Variants in SRPK2 observed in about 807,000 individuals in gnomAD.
SRPK2 encodes SFRS protein kinase 2.
A neutral mutation model predicts 90.8 loss-of-function variants in SRPK2; 21 were observed. That is an observed-to-expected ratio of 0.23 (90% CI 0.16 to 0.33). The LOEUF is 0.33. Ranked by LOEUF, SRPK2 falls within the 10% of genes least tolerant of loss-of-function variation. The pLI, the probability that SRPK2 is intolerant of heterozygous loss-of-function variation, is 1.00. For synonymous variants in SRPK2, 288 were observed against 311.1 expected, an observed-to-expected ratio of 0.93 and a Z score of 0.78; for missense variants, 620 against 869.0, an observed-to-expected ratio of 0.71 and a Z score of 3.60.
At chr7:105,152,399 T>C (rs1386394388) in intron 7 of SRPK2, among the ~76,000 whole-genome samples, 1 of 152,110 alleles carries the variant, frequency 6.6e-6, no homozygotes, top group Non-Finnish European at 1.5e-5. Flanking sequence ...ATCTACACAT[T>C]TCGGCCTCCC....
intron 2 of SRPK2, among the ~76,000 whole-genome samples, chr7:105,339,254 A>G (rs1211359629): frequency 6.6e-6 from 1 of 152,240 alleles, no homozygotes. Flanking sequence ...ACATGCCCTC[A>G]GGAATTTTGA....
chr7:105,244,769 G>C, intron 2 of SRPK2: 2 of 989,344 alleles, frequency 2.0e-6, no homozygotes, highest in Non-Finnish European at 3.2e-6. Flanking sequence ...CACCAAGTTT[G>C]TGCGGGACAT....
intron 2 of SRPK2, among the ~76,000 whole-genome samples, chr7:105,252,981 G>C (rs1184061511): frequency 6.6e-6 from 1 of 152,032 alleles, no homozygotes; most frequent in Non-Finnish European, 1.5e-5. Flanking sequence ...GACCTCAGGG[G>C]ATCTGCCCGC....
At chr7:105,268,665 T>C (rs774677527) in intron 2 of SRPK2, 12 of 921,086 alleles carry the variant, frequency 1.3e-5, no homozygotes, top group Non-Finnish European at 1.5e-6. Flanking sequence ...CTTGCCCCAA[T>C]ACACATCTTC....
At chr7:105,184,725 C>G (rs956336663) in intron 3 of SRPK2, among the ~76,000 whole-genome samples, 1 of 152,146 alleles carries the variant, frequency 6.6e-6, no homozygotes, top group African/African-American at 2.4e-5. Flanking sequence ...CTGACATTTT[C>G]TTTCCTTGAG....
chr7:105,319,504 C>CGGGGGGG (rs796955446), intron 2 of SRPK2, among the ~76,000 whole-genome samples: 3 of 5,306 alleles, frequency 5.7e-4, no homozygotes, highest in Non-Finnish European at 1.9e-3. Context: ...GCACTTGCGG[C>CGGGGGGG]GGGGGGGGGG....
At chr7:105,203,486 A>G (rs1795816441) in intron 3 of SRPK2, 142 bp downstream of exon 3, 1 of 858,070 alleles carries the variant, frequency 1.2e-6, no homozygotes, top group East Asian at 3.0e-5. Context: ...AGAATTTAAA[A>G]TGATAATGAC....
intron 2 of SRPK2, among the ~76,000 whole-genome samples, chr7:105,368,090 G>A (rs1365846351): frequency 1.3e-5 from 2 of 152,118 alleles, no homozygotes; most frequent in Admixed American, 6.6e-5. Context: ...GTGGAGCCAA[G>A]GAAAAGAGGA....
chr7:105,173,754 A>C (rs1205703435), intron 3 of SRPK2, among the ~76,000 whole-genome samples: 1 of 152,176 alleles, frequency 6.6e-6, no homozygotes, highest in East Asian at 1.9e-4. Context: ...AGTATGGGAC[A>C]ATAACACTGC....
At chr7:105,229,029 C>T (rs1799088101) in intron 2 of SRPK2, among the ~76,000 whole-genome samples, 1 of 152,110 alleles carries the variant, frequency 6.6e-6, no homozygotes, top group Non-Finnish European at 1.5e-5. Context: ...GAAAATGGTA[C>T]AAACACCAAC....
intron 2 of SRPK2, among the ~76,000 whole-genome samples, chr7:105,318,828 T>C (rs918478524): frequency 6.6e-6 from 1 of 152,202 alleles, no homozygotes; most frequent in Non-Finnish European, 1.5e-5. Flanking sequence ...TCTATTCCAC[T>C]AGACACTGGT....
intron 2 of SRPK2, among the ~76,000 whole-genome samples, chr7:105,247,806 T>C (rs980805928): frequency 2.0e-5 from 3 of 152,100 alleles, no homozygotes; most frequent in African/African-American, 7.2e-5. Context: ...AGTGATCCTC[T>C]TGCCTTGTGA....
intron 2 of SRPK2, among the ~76,000 whole-genome samples, chr7:105,334,418 T>C (rs1814812956): frequency 6.6e-6 from 1 of 151,760 alleles, no homozygotes; most frequent in Non-Finnish European, 1.5e-5. Context: ...GAGTCGGTGT[T>C]TCACCATGTT....
chr7:105,392,376 A>G (rs149003866), upstream of SRPK2, among the ~76,000 whole-genome samples: 174 of 152,342 alleles, frequency 1.1e-3, no homozygotes, highest in Middle Eastern at 3.4e-3. Context: ...AAAACAAAAC[A>G]ACAAAGTTAC....
chr7:105,180,898 C>T (rs1211320819), intron 3 of SRPK2, among the ~76,000 whole-genome samples: 1 of 152,194 alleles, frequency 6.6e-6, no homozygotes, highest in Non-Finnish European at 1.5e-5. Flanking sequence ...AACCTAAGAA[C>T]TTCCTGAACA....
intron 7 of SRPK2, among the ~76,000 whole-genome samples, chr7:105,149,323 A>G (rs2129578181): frequency 6.6e-6 from 1 of 152,326 alleles, no homozygotes; most frequent in East Asian, 1.9e-4. Flanking sequence ...GTGGAGAGAA[A>G]CATAAATCTG....
At chr7:105,294,664 T>G (rs533216379) in intron 2 of SRPK2, among the ~76,000 whole-genome samples, 1 of 152,172 alleles carries the variant, frequency 6.6e-6, no homozygotes, top group African/African-American at 2.4e-5. Flanking sequence ...CAGCTGGGAT[T>G]ATAGACGCGC....
chr7:105,173,676 C>G (rs1248191564), intron 3 of SRPK2, among the ~76,000 whole-genome samples: 1 of 152,168 alleles, frequency 6.6e-6, no homozygotes, highest in Non-Finnish European at 1.5e-5. Flanking sequence ...CACAAGAAAA[C>G]AAGTACAGTC....
At chr7:105,191,371 G>T (rs1287724630) in intron 3 of SRPK2, among the ~76,000 whole-genome samples, 1 of 152,030 alleles carries the variant, frequency 6.6e-6, no homozygotes, top group Non-Finnish European at 1.5e-5. Flanking sequence ...AGGAGTTCAA[G>T]AACAGCCTGG....
Sources: gnomAD v4.1 joint callset for allele counts (sites outside exome capture counted in the v4.1 genomes callset) on GRCh38, gnomAD v4.1.1 for gene constraint, MANE v1.5 for transcripts, NCBI Gene and HGNC (gene_info 2026-07-23, HGNC 2026-07-21) for gene names.